The following BACH2 variants were observed in gnomAD, a reference collection of about 807,000 sequenced individuals.
BACH2 encodes transcription regulator protein BACH2.
A neutral mutation model predicts 61.8 loss-of-function variants in BACH2; 5 were observed. That is an observed-to-expected ratio of 0.08 (90% CI 0.04 to 0.17). The LOEUF (loss-of-function observed/expected upper bound fraction) is 0.17, where lower values mean the gene tolerates loss of function less well. Among genes scored for constraint, BACH2 ranks in the 10% least tolerant of loss-of-function variants. The pLI is 1.00. For synonymous variants in BACH2, 446 were observed against 440.1 expected, an observed-to-expected ratio of 1.01 and a Z score of -0.17; for missense variants, 824 against 1,091.1, an observed-to-expected ratio of 0.76 and a Z score of 3.45.
chr6:90,121,269 T>A (rs1048929477), intron 4 of BACH2, among the ~76,000 whole-genome samples: 1 of 152,222 alleles, frequency 6.6e-6, no homozygotes, highest in African/African-American at 2.4e-5. Context: ...AGTATCTTTT[T>A]AAAAAATGAT....
Position 89,969,129 on chromosome 6 carries a change from C to T in BACH2, c.244-17267G>A, listed in dbSNP as rs182603075. Among the ~76,000 whole-genome samples, 625 of 148,930 alleles carry T rather than the reference C, an allele frequency of 4.2e-3. 4 individuals carry two copies. Among genetic ancestry groups the T allele is most frequent in the Non-Finnish European group, 5.2e-3 (349 of 67,420 alleles). ...AGTGCAATGGTGCGATCTTGGCTCA[C>T]CGCAACCTCCGCCTCCTGGGTTCAA... On this transcript the variant is annotated intron_variant, in intron 6 of 8. Coordinates refer to ENST00000257749, the MANE Select transcript of BACH2 (RefSeq NM_021813.4).
chr6:90,132,117 A>T (rs1008972877), intron 4 of BACH2, among the ~76,000 whole-genome samples: 4 of 152,208 alleles, frequency 2.6e-5, no homozygotes, highest in African/African-American at 9.7e-5. Context: ...TGGATACAAC[A>T]ATGTGGTAGA....
chr6:90,015,296 A>G (rs906084562), intron 5 of BACH2, among the ~76,000 whole-genome samples: 2 of 151,702 alleles, frequency 1.3e-5, no homozygotes, highest in African/African-American at 4.8e-5. Flanking sequence ...TCTCATTGTT[A>G]TATCCTTTAT....
At chr6:89,972,316 C>T (rs1208491757) in intron 6 of BACH2, among the ~76,000 whole-genome samples, 1 of 152,120 alleles carries the variant, frequency 6.6e-6, no homozygotes, top group African/African-American at 2.4e-5. Flanking sequence ...AGGCAAGCAC[C>T]ACTGTGGCCG....
chr6:90,107,139 C>T (rs970429641), intron 4 of BACH2, among the ~76,000 whole-genome samples: 4 of 151,962 alleles, frequency 2.6e-5, no homozygotes, highest in African/African-American at 7.3e-5. Flanking sequence ...TTTGGGAGGC[C>T]GAGGCGGGTG....
chr6:90,015,452 C>A (rs1166379565), intron 5 of BACH2, among the ~76,000 whole-genome samples: 1 of 152,086 alleles, frequency 6.6e-6, no homozygotes, highest in African/African-American at 2.4e-5. Flanking sequence ...CAGTATCTTG[C>A]AAATTTTGAA....
intron 6 of BACH2, among the ~76,000 whole-genome samples, chr6:89,974,781 G>T (rs1582124906): frequency 6.6e-6 from 1 of 152,316 alleles, no homozygotes; most frequent in East Asian, 1.9e-4. Context: ...TCCCTTAAAA[G>T]AGCTCAATGC....
intron 3 of BACH2, among the ~76,000 whole-genome samples, chr6:90,245,651 C>T (rs1770609673): frequency 1.3e-5 from 2 of 152,162 alleles, no homozygotes; most frequent in South Asian, 4.1e-4. Context: ...TAAACATAGC[C>T]TTTATATGTT....
At position 90,249,568 on chromosome 6, in the gene BACH2, C is replaced by T. The variant is rs559049947; in HGVS notation, c.-275+2945G>A. Among the ~76,000 whole-genome samples, 9 of 152,224 alleles carry T rather than the reference C, an allele frequency of 5.9e-5. No individual in the cohort carries two copies. The South Asian group carries it at 1.9e-3, about 32-fold the overall frequency. On this transcript the variant is annotated intron_variant, in intron 3 of 8. Transcript: ENST00000257749. ...GGCAAATCACTCGAGTCCAGGAGTT[C>T]GAGACCAGCCTGAGCAACATGGTGA...
At chr6:89,965,645 C>G (rs1775009947) in intron 6 of BACH2, among the ~76,000 whole-genome samples, 1 of 152,238 alleles carries the variant, frequency 6.6e-6, no homozygotes, top group East Asian at 1.9e-4. Flanking sequence ...ATCCCTCTTT[C>G]ACATGACAAT....
At chr6:90,287,097 A>T (rs1772042754) in intron 1 of BACH2, among the ~76,000 whole-genome samples, 1 of 152,200 alleles carries the variant, frequency 6.6e-6, no homozygotes, top group African/African-American at 2.4e-5. Context: ...GGAGCCATCA[A>T]CTCAACATAG....
intron 6 of BACH2, among the ~76,000 whole-genome samples, chr6:89,978,633 T>TTAA (rs1554222894): frequency 2.3e-5 from 2 of 86,036 alleles, no homozygotes; most frequent in African/African-American, 8.7e-5. Flanking sequence ...GTGTTGGCTT[T>TTAA]AAAAAAAAAA....
At chr6:90,013,494 C>CTTTCTT (rs1562368789) in intron 5 of BACH2, among the ~76,000 whole-genome samples, 1 of 144,048 alleles carries the variant, frequency 6.9e-6, no homozygotes, top group Non-Finnish European at 1.5e-5. Flanking sequence ...CTTGTTTTCC[C>CTTTCTT]TTTCTTTTTC....
chr6:90,003,403 C>T (rs1777237976), intron 6 of BACH2, among the ~76,000 whole-genome samples: 1 of 152,148 alleles, frequency 6.6e-6, no homozygotes, highest in Admixed American at 6.5e-5. Context: ...ACAGGCTTTT[C>T]TTGATCACTC....
intron 3 of BACH2, among the ~76,000 whole-genome samples, chr6:90,239,798 T>TACACACACAC (rs59169449): frequency 1.7e-4 from 23 of 132,300 alleles, no homozygotes; most frequent in Middle Eastern, 3.8e-3. Flanking sequence ...GGGGGGGGAA[T>TACACACACAC]ACACACACAC....
At chr6:90,155,995 T>C (rs919730898) in intron 4 of BACH2, among the ~76,000 whole-genome samples, 1 of 152,188 alleles carries the variant, frequency 6.6e-6, no homozygotes, top group African/African-American at 2.4e-5. Flanking sequence ...AGATTTTTTT[T>C]CCCCAATGGA....
chr6:90,123,903 A>G (rs1235801897), intron 4 of BACH2, among the ~76,000 whole-genome samples: 1 of 151,884 alleles, frequency 6.6e-6, no homozygotes, highest in Non-Finnish European at 1.5e-5. Context: ...TGAGGGGAGC[A>G]GGAGGGAGGG....
At chr6:89,955,695 C>G (rs571455982) in intron 6 of BACH2, among the ~76,000 whole-genome samples, 1 of 152,322 alleles carries the variant, frequency 6.6e-6, no homozygotes, top group African/African-American at 2.4e-5. Flanking sequence ...TAGCCTCCAT[C>G]TTGAGAAGGT....
intron 5 of BACH2, among the ~76,000 whole-genome samples, chr6:90,052,545 G>A (rs947115214): frequency 2.6e-5 from 4 of 152,060 alleles, no homozygotes; most frequent in African/African-American, 4.8e-5. Context: ...TCAGCCTCCC[G>A]AGCAGTTGGG....
Sources: allele counts gnomAD v4.1 joint callset (sites outside exome capture counted in the v4.1 genomes callset), GRCh38; gene constraint gnomAD v4.1.1; transcripts MANE v1.5; gene names NCBI Gene and HGNC (gene_info 2026-07-23, HGNC 2026-07-21).